CHEK2: variants seen among roughly 807,000 people sequenced by gnomAD.
CHEK2 encodes serine/threonine-protein kinase Chk2.
A neutral mutation model predicts 69.1 loss-of-function variants in CHEK2; 71 were observed. The observed-to-expected ratio is 1.03, with a 90% CI of 0.85 to 1.25. CHEK2 has a LOEUF of 1.25. CHEK2 is among the 50% of genes most tolerant of loss of function. CHEK2 has a pLI of 0.00. For synonymous variants in CHEK2, 189 were observed against 226.9 expected (o/e 0.83, Z 1.50); for missense variants, 664 against 649.6 (o/e 1.02, Z -0.24).
At chr22:28,705,240 G>A (rs1046412226) in intron 7 of CHEK2, among the ~76,000 whole-genome samples, 6 of 151,778 alleles carry the variant, frequency 4.0e-5, no homozygotes, top group African/African-American at 9.7e-5. Context: ...CACTGCACCC[G>A]GCTAATTTTT....
chr22:28,730,068 C>T (rs1332053249), intron 2 of CHEK2, among the ~76,000 whole-genome samples: 1 of 150,540 alleles, frequency 6.6e-6, no homozygotes, highest in Non-Finnish European at 1.5e-5. Context: ...TGGTCTCGAT[C>T]TCCTGACCTT....
intron 13 of CHEK2, among the ~76,000 whole-genome samples, chr22:28,693,098 A>C (rs1305080661): frequency 1.3e-5 from 2 of 152,190 alleles, no homozygotes; most frequent in Non-Finnish European, 2.9e-5. Flanking sequence ...CACAAACCAA[A>C]AAAAAATTCA....
At chr22:28,695,603 C>A (rs1221774497) in intron 11 of CHEK2, 107 bp downstream of exon 11, 1 of 927,956 alleles carries the variant, frequency 1.1e-6, no homozygotes, top group African/African-American at 1.6e-5. Context: ...CTACAGTTAG[C>A]CAAGATCAAG....
chr22:28,699,609 C>T (rs573012329), intron 9 of CHEK2, among the ~76,000 whole-genome samples: 3 of 151,536 alleles, frequency 2.0e-5, no homozygotes, highest in African/African-American at 4.8e-5. Flanking sequence ...GTGATCCGCC[C>T]GCTTGGCCTC....
chr22:28,720,694 A>G (rs1422361051), intron 4 of CHEK2, among the ~76,000 whole-genome samples: 1 of 152,208 alleles, frequency 6.6e-6, no homozygotes, highest in East Asian at 1.9e-4. Flanking sequence ...GCTGGTACAC[A>G]AGAGGCAGGC....
chr22:28,701,008 C>T (rs1406055144), intron 8 of CHEK2, among the ~76,000 whole-genome samples: 3 of 151,584 alleles, frequency 2.0e-5, no homozygotes, highest in African/African-American at 4.8e-5. Context: ...AGGCTGGTCT[C>T]GAACTCCTGA....
In CHEK2 at chr22:28,730,437, C is replaced by T. The variant is rs137926355; in HGVS notation, c.319+3966G>A. ...CATCATACTTAGACTGCAAACTGGC[C>T]GGGGATGGTGCCTCACACCTCTTAT... On this transcript the variant is annotated intron_variant, in intron 2 of 14. Transcript: ENST00000404276. The T allele has an allele frequency of 1.7e-4, 113 of 683,684 alleles. 1 individual carries two copies. The Admixed American group carries it at 1.7e-3, about 10-fold the overall frequency. The allele number at this position is 683,684 out of a possible 1,614,324, so 42.4% of individuals were successfully genotyped here.
intron 9 of CHEK2, among the ~76,000 whole-genome samples, chr22:28,697,964 G>T (rs746325168): frequency 1.3e-4 from 20 of 151,812 alleles, no homozygotes; most frequent in Non-Finnish European, 2.9e-5. Context: ...TAAATAAATG[G>T]AATAAACCAA....
chr22:28,712,078 C>T, intron 5 of CHEK2, 61 bp from the exon 6 acceptor site: 1 of 1,108,740 alleles, frequency 9.0e-7, no homozygotes, highest in Non-Finnish European at 1.4e-6. Flanking sequence ...ACCTACCACT[C>T]CTGGGTCCAC....
intron 1 of CHEK2, among the ~76,000 whole-genome samples, chr22:28,735,296 C>T (rs537372033): frequency 2.6e-5 from 4 of 152,038 alleles, no homozygotes; most frequent in African/African-American, 9.6e-5. Flanking sequence ...TTCTCAGCTA[C>T]TCGGGAGGCT....
chr22:28,731,030 C>G (rs1010801098), intron 2 of CHEK2, among the ~76,000 whole-genome samples: 4 of 151,906 alleles, frequency 2.6e-5, no homozygotes, highest in Middle Eastern at 3.2e-3. Context: ...GATGAAACCC[C>G]ATCTCCACCA....
chr22:28,714,259 T>C (rs1235300470), intron 5 of CHEK2, among the ~76,000 whole-genome samples: 1 of 152,190 alleles, frequency 6.6e-6, no homozygotes, highest in African/African-American at 2.4e-5. Flanking sequence ...GTCAGCCTAG[T>C]AGGTAGGTGT....
At chr22:28,720,648 G>T (rs1370742433) in intron 4 of CHEK2, among the ~76,000 whole-genome samples, 2 of 152,146 alleles carry the variant, frequency 1.3e-5, no homozygotes, top group Non-Finnish European at 2.9e-5. Flanking sequence ...CCAGTCTCTG[G>T]CACAAATCTG....
chr22:28,729,064 C>T (rs1052234382), intron 2 of CHEK2, among the ~76,000 whole-genome samples: 5 of 152,132 alleles, frequency 3.3e-5, no homozygotes, highest in Non-Finnish European at 5.9e-5. Flanking sequence ...TCAAACTTTT[C>T]GAAGAAATTC....
intron 5 of CHEK2, among the ~76,000 whole-genome samples, chr22:28,718,147 C>A (rs1356973239): frequency 6.6e-6 from 1 of 152,130 alleles, no homozygotes; most frequent in Non-Finnish European, 1.5e-5. Flanking sequence ...TCAAACACAT[C>A]AAAAATGCAC....
At chr22:28,727,364 C>T (rs1017022356) in intron 2 of CHEK2, among the ~76,000 whole-genome samples, 2 of 152,144 alleles carry the variant, frequency 1.3e-5, no homozygotes, top group African/African-American at 4.8e-5. Context: ...GTTATATAAA[C>T]ATTACTCACC....
At chr22:28,704,888 C>T (rs943104831) in intron 7 of CHEK2, among the ~76,000 whole-genome samples, 3 of 152,170 alleles carry the variant, frequency 2.0e-5, no homozygotes, top group Admixed American at 2.0e-4. Context: ...TTAAGATCAT[C>T]CAATGGAACC....
intron 9 of CHEK2, among the ~76,000 whole-genome samples, chr22:28,697,559 T>G (rs992455997): frequency 1.3e-5 from 2 of 151,560 alleles, no homozygotes; most frequent in African/African-American, 2.4e-5. Flanking sequence ...ATATTTCTTT[T>G]CTTTTCTTTT....
chr22:28,734,234 C>A (rs2054303192), intron 2 of CHEK2, among the ~76,000 whole-genome samples, 169 bp downstream of exon 2: 1 of 152,202 alleles, frequency 6.6e-6, no homozygotes, highest in Non-Finnish European at 1.5e-5. Context: ...TATTGCCTTC[C>A]ACTTCAATAA....
Sources: gnomAD v4.1 joint callset for allele counts (sites outside exome capture counted in the v4.1 genomes callset) on GRCh38, gnomAD v4.1.1 for gene constraint, MANE v1.5 for transcripts, NCBI Gene and HGNC (gene_info 2026-07-23, HGNC 2026-07-21) for gene names.